The following PLCL2 variants were observed in gnomAD, a reference collection of about 807,000 sequenced individuals.
PLCL2 encodes the protein phospholipase C like 2, also known as inactive phospholipase C-like protein 2.
A neutral mutation model predicts 79.6 loss-of-function variants in PLCL2; 4 were observed. That is an observed-to-expected ratio of 0.05 (90% CI 0.02 to 0.11). The LOEUF (loss-of-function observed/expected upper bound fraction) is 0.11. PLCL2 is among the 10% of genes least tolerant of loss of function. The pLI is 1.00. For missense variants in PLCL2, 895 were observed against 1,291.0 expected, an observed-to-expected ratio of 0.69 and a Z score of 4.70; for synonymous variants, 484 against 457.7, an observed-to-expected ratio of 1.06 and a Z score of -0.73.
intron 1 of PLCL2, among the ~76,000 whole-genome samples, chr3:16,936,552 C>T (rs1697543620): frequency 6.6e-6 from 1 of 152,110 alleles, no homozygotes; most frequent in Non-Finnish European, 1.5e-5. Flanking sequence ...AGCAAACAAG[C>T]AGGCATCATA....
At chr3:17,047,815 G>A (rs2064796892) in intron 4 of PLCL2, among the ~76,000 whole-genome samples, 1 of 152,148 alleles carries the variant, frequency 6.6e-6, no homozygotes, top group African/African-American at 2.4e-5. Flanking sequence ...TTCAGATCTG[G>A]ACATGGTGTT....
At chr3:16,961,125 AC>A (rs1166829830) in intron 1 of PLCL2, among the ~76,000 whole-genome samples, 1 of 152,194 alleles carries the variant, frequency 6.6e-6, no homozygotes, top group Admixed American at 6.5e-5. Context: ...TGGAGACCCC[AC>A]GCTTTCCTTA....
In PLCL2 at chr3:16,933,563, T is replaced by A. The variant is rs192185963; in HGVS notation, c.327+48197T>A. Among the ~76,000 whole-genome samples, 513 of 152,346 alleles carry A rather than the reference T, an allele frequency of 3.4e-3. 1 individual carries two copies. Among genetic ancestry groups the A allele is most frequent in the Non-Finnish European group, 5.9e-3 (403 of 68,022 alleles). ...TTGACTCATGAATCAGCACATATAT[T>A]CATATGCCTGCTTTTTCATACACTG... is the stretch of plus-strand genomic sequence containing the variant. On this transcript the variant is annotated intron_variant, in intron 1 of 5. Coordinates refer to ENST00000615277, the MANE Select transcript of PLCL2 (RefSeq NM_001144382.2).
intron 3 of PLCL2, among the ~76,000 whole-genome samples, chr3:17,037,929 GTAA>G (rs1338948521): frequency 1.3e-5 from 2 of 151,946 alleles, no homozygotes; most frequent in Non-Finnish European, 2.9e-5. Context: ...ATATATTTAT[GTAA>G]TAATAACCCT....
chr3:16,909,291 T>G (rs1696820734), intron 1 of PLCL2, among the ~76,000 whole-genome samples: 1 of 152,232 alleles, frequency 6.6e-6, no homozygotes, highest in Non-Finnish European at 1.5e-5. Flanking sequence ...AGGACCTGTG[T>G]TCAAATTTTA....
At chr3:16,996,861 T>C (rs1042548175) in intron 1 of PLCL2, among the ~76,000 whole-genome samples, 1 of 152,212 alleles carries the variant, frequency 6.6e-6, no homozygotes, top group Non-Finnish European at 1.5e-5. Flanking sequence ...ACAGCCAAAG[T>C]TGAAAAATCT....
chr3:16,993,298 G>A (rs2064122342), intron 1 of PLCL2, among the ~76,000 whole-genome samples: 1 of 152,148 alleles, frequency 6.6e-6, no homozygotes, highest in Non-Finnish European at 1.5e-5. Context: ...ATTCTACCTT[G>A]GGTAATATAG....
chr3:17,090,056 CTG>C lies in PLCL2; in HGVS notation c.*147_*148del. The C allele has an allele frequency of 2.2e-6, 3 of 1,393,680 alleles. No individual in the cohort carries two copies. Among genetic ancestry groups the C allele is most frequent in the Non-Finnish European group, 2.8e-6 (3 of 1,072,060 alleles). 86.3% of individuals were successfully genotyped at this position (1,393,680 alleles called of 1,614,324 possible). A position where few individuals can be genotyped will look rare whatever the true frequency, so the allele number is the denominator to read the frequency against. Reference sequence around the variant, plus strand: ...AATAGCTAATTACAGTCTATTAAAACTGTGAATGTATGTAGCAATCCTGCGTG... The same window carrying C: ...AATAGCTAATTACAGTCTATTAAAACTGAATGTATGTAGCAATCCTGCGTG... On this transcript the variant is annotated 3_prime_UTR_variant, in exon 6 of 6. Coordinates refer to ENST00000615277, the MANE Select transcript of PLCL2 (RefSeq NM_001144382.2).
Position 17,090,415 on chromosome 3 carries a change from G to T in PLCL2, c.*503G>T, listed in dbSNP as rs904297126. 4 of 247,912 alleles carry T rather than the reference G, an allele frequency of 1.6e-5. No individual in the cohort carries two copies. The highest frequency in any genetic ancestry group is 2.6e-5 in the Non-Finnish European group (4 of 155,550). The allele number at this position is 247,912 out of a possible 1,614,324, so 15.4% of individuals were successfully genotyped here. The stretch of plus-strand genomic sequence containing the variant: ...AGTGGACGGGTTCCCTGAATCCCCG[G>T]GGTCCTTGGAGAGCCATCGAGGAGA... On this transcript the variant is annotated 3_prime_UTR_variant, in exon 6 of 6. Transcript: ENST00000615277.
At chr3:17,088,653 G>A (rs1479051764) in intron 5 of PLCL2, among the ~76,000 whole-genome samples, 1 of 152,156 alleles carries the variant, frequency 6.6e-6, no homozygotes, top group Non-Finnish European at 1.5e-5. Flanking sequence ...TCAACTGGGG[G>A]TAGCTCACCC....
At chr3:16,995,508 C>A (rs148359754) in intron 1 of PLCL2, among the ~76,000 whole-genome samples, 1,602 of 152,306 alleles carry the variant, frequency 0.011, 16 homozygotes, top group Non-Finnish European at 0.014. Context: ...TTCCCCCAGG[C>A]TTGTGAGCTT....
At chr3:17,012,224 T>A (rs1329009704) in intron 2 of PLCL2, 64 bp downstream of exon 2, 19 of 1,409,164 alleles carry the variant, frequency 1.3e-5, no homozygotes, top group Non-Finnish European at 1.8e-5. Context: ...CCATAGTTTA[T>A]AAATATATTG....
chr3:16,928,122 G>C (rs1697301361), intron 1 of PLCL2, among the ~76,000 whole-genome samples: 2 of 152,186 alleles, frequency 1.3e-5, no homozygotes, highest in South Asian at 4.1e-4. Context: ...AGCATGTACT[G>C]CATGCTAGCT....
rs559384830 is a variant in PLCL2, at chr3:17,032,674, G to A, written c.3019-10200G>A. Among the ~76,000 whole-genome samples the A allele has an allele frequency of 3.7e-4, 56 of 152,240 alleles. 1 individual carries two copies. In the South Asian group the frequency reaches 0.012, roughly 32 times the overall value. Reference sequence around the variant, plus strand: ...TGTAAACAGTAGGTCCATGCAGTGCGCATTGGACACACAGCACCTGTGGAA... The same window carrying A: ...TGTAAACAGTAGGTCCATGCAGTGCACATTGGACACACAGCACCTGTGGAA... On this transcript the variant is annotated intron_variant, in intron 3 of 5. Coordinates refer to ENST00000615277, the MANE Select transcript of PLCL2 (RefSeq NM_001144382.2).
chr3:16,920,575 C>G (rs1231675862), intron 1 of PLCL2, among the ~76,000 whole-genome samples: 1 of 151,984 alleles, frequency 6.6e-6, no homozygotes, highest in Non-Finnish European at 1.5e-5. Flanking sequence ...TGCTTTGAGC[C>G]CTGTGAGTGG....
At chr3:16,962,741 A>C (rs2063766636) in intron 1 of PLCL2, among the ~76,000 whole-genome samples, 1 of 152,192 alleles carries the variant, frequency 6.6e-6, no homozygotes, top group Non-Finnish European at 1.5e-5. Context: ...TTCTAAACCA[A>C]AAAGAAAAAT....
intron 1 of PLCL2, among the ~76,000 whole-genome samples, chr3:16,967,255 C>A (rs138410499): frequency 1.3e-5 from 2 of 152,018 alleles, no homozygotes; most frequent in Non-Finnish European, 2.9e-5. Context: ...TATGGTAGAA[C>A]AATTTGTATT....
chr3:16,955,766 A>G (rs2063698632), intron 1 of PLCL2, among the ~76,000 whole-genome samples: 2 of 152,224 alleles, frequency 1.3e-5, no homozygotes, highest in African/African-American at 4.8e-5. Flanking sequence ...CTGGATTCCT[A>G]GGTATTTTAT....
At chr3:17,048,084 C>CTTT (rs36004545) in intron 4 of PLCL2, among the ~76,000 whole-genome samples, 88 of 145,872 alleles carry the variant, frequency 6.0e-4, no homozygotes, top group Middle Eastern at 3.5e-3. Flanking sequence ...TGCTCAGAGA[C>CTTT]TTTTTTTTTT....
Sources: gnomAD v4.1 joint callset for allele counts (sites outside exome capture counted in the v4.1 genomes callset) on GRCh38, gnomAD v4.1.1 for gene constraint, MANE v1.5 for transcripts, NCBI Gene and HGNC (gene_info 2026-07-23, HGNC 2026-07-21) for gene names.